The following FLNB variants were observed in gnomAD, a reference collection of about 807,000 sequenced individuals.
FLNB encodes filamin B.
FLNB carries 111 observed loss-of-function variants against 250.6 expected under a neutral mutation model. The ratio of observed to expected loss-of-function variants is 0.44; its 90% CI spans 0.38 to 0.52. The LOEUF (loss-of-function observed/expected upper bound fraction) is 0.52, where lower values mean the gene tolerates loss of function less well. FLNB is among the 20% of genes least tolerant of loss of function. FLNB has a pLI of 0.00. For missense variants in FLNB, 2,869 were observed against 3,447.8 expected (o/e 0.83, Z 4.20); for synonymous variants, 1,302 against 1,372.1 (o/e 0.95, Z 1.13).
intron 1 of FLNB, among the ~76,000 whole-genome samples, chr3:58,051,317 C>T (rs564189265): frequency 4.6e-5 from 7 of 152,178 alleles, no homozygotes; most frequent in Non-Finnish European, 7.3e-5. Flanking sequence ...AGGGACTGGC[C>T]GAATCATCCC....
chr3:58,048,149 A>G (rs1264527070), intron 1 of FLNB, among the ~76,000 whole-genome samples: 2 of 152,150 alleles, frequency 1.3e-5, no homozygotes, highest in Non-Finnish European at 2.9e-5. Context: ...CCAATTAACG[A>G]TTACTCAATT....
chr3:58,009,293 C>T (rs755942803), intron 1 of FLNB, among the ~76,000 whole-genome samples: 1 of 152,070 alleles, frequency 6.6e-6, no homozygotes, highest in African/African-American at 2.4e-5. Flanking sequence ...GCTGAATGGG[C>T]GTTGGCTCGG....
In FLNB at chr3:58,169,100, T is replaced by C; in HGVS notation, c.7417+442T>C. On this transcript the variant is annotated intron_variant, in intron 44 of 45. Transcript: ENST00000295956. The surrounding 1 kb of genome is among the most constrained non-coding windows in gnomAD (Gnocchi z 4.8). ...CCCAAGGTAACCACCATAAACACTG[T>C]AGTAAATCCCTTCCACACGTCATGA... 1 of 282,254 alleles carries C rather than the reference T, an allele frequency of 3.5e-6. No homozygotes were observed. The highest frequency in any genetic ancestry group is 4.0e-5 in the South Asian group (1 of 24,746). 17.5% of individuals were successfully genotyped at this position (282,254 alleles called of 1,614,324 possible).
chr3:58,133,437 GAAAAAAAAAAA>G (rs55916881), intron 26 of FLNB, among the ~76,000 whole-genome samples: 12 of 67,604 alleles, frequency 1.8e-4, no homozygotes, highest in South Asian at 4.6e-4. Context: ...GACATCTCTG[GAAAAAAAAAAA>G]AAAAAAAAAA....
At chr3:58,135,189 C>T (rs1309401549) in intron 27 of FLNB, among the ~76,000 whole-genome samples, 1 of 152,136 alleles carries the variant, frequency 6.6e-6, no homozygotes. Context: ...TTAAATTACT[C>T]TTTGGTTCAT....
intron 1 of FLNB, among the ~76,000 whole-genome samples, chr3:58,044,940 C>T (rs897426570): frequency 2.6e-5 from 4 of 152,126 alleles, no homozygotes; most frequent in Non-Finnish European, 4.4e-5. Flanking sequence ...CCAAGGATTT[C>T]CCCAAACACT....
At chr3:58,092,301 G>A (rs899558947) in intron 4 of FLNB, among the ~76,000 whole-genome samples, 1 of 152,130 alleles carries the variant, frequency 6.6e-6, no homozygotes, top group Admixed American at 6.6e-5. Context: ...ATTGCTGGTG[G>A]GAATGTAAAA....
intron 29 of FLNB, among the ~76,000 whole-genome samples, chr3:58,139,891 A>C (rs1014305901): frequency 2.2e-4 from 33 of 152,216 alleles, no homozygotes; most frequent in African/African-American, 8.0e-4. Context: ...GGGAAGGTCT[A>C]CGTGAGAAAG....
intron 29 of FLNB, 37 bp downstream of exon 29, chr3:58,138,566 G>C (rs2097320591): frequency 1.2e-6 from 2 of 1,613,172 alleles, no homozygotes; most frequent in African/African-American, 2.7e-5. Context: ...TGCTGTTATT[G>C]GTGGAAACTG....
chr3:58,058,360 C>G (rs775977924), intron 1 of FLNB, among the ~76,000 whole-genome samples: 5 of 152,182 alleles, frequency 3.3e-5, no homozygotes, highest in Non-Finnish European at 7.3e-5. Flanking sequence ...CCCTCTCTTT[C>G]TACTGATGTA....
rs1011576153 is a variant in FLNB at position 58,078,580 on chromosome 3, A to G, written c.542-137A>G. ...ACCTGTGATACTTTTTGCCTATTAA[A>G]TATATGATTTGCTCAGATTTTAGGA... On this transcript the variant is annotated intron_variant, in intron 2 of 45. Transcript: ENST00000295956. The G allele has an allele frequency of 2.0e-6, 3 of 1,525,828 alleles. No homozygotes were observed. In the Admixed American group the frequency reaches 5.9e-5, roughly 30 times the overall value. 94.5% of individuals were successfully genotyped at this position (1,525,828 alleles called of 1,614,324 possible). A position where few individuals can be genotyped will look rare whatever the true frequency, so the allele number is the denominator to read the frequency against.
intron 8 of FLNB, 133 bp downstream of exon 8, chr3:58,099,041 A>T: frequency 1.3e-6 from 1 of 768,154 alleles, no homozygotes; most frequent in Non-Finnish European, 2.3e-6. Context: ...GGGCTACTTC[A>T]GCAGTAAGTG....
At chr3:58,070,197 G>A (rs1283086392) in intron 1 of FLNB, among the ~76,000 whole-genome samples, 2 of 151,902 alleles carry the variant, frequency 1.3e-5, no homozygotes, top group African/African-American at 4.8e-5. Flanking sequence ...ACAGGCGCCT[G>A]CCATTATGCC....
At chr3:58,133,442 A>G (rs1302612831) in intron 26 of FLNB, among the ~76,000 whole-genome samples, 717 of 68,944 alleles carry the variant, frequency 0.01, 22 homozygotes, top group African/African-American at 0.09. Flanking sequence ...CTCTGGAAAA[A>G]AAAAAAAAAA....
chr3:58,157,937 C>T (rs1380234403), intron 41 of FLNB, among the ~76,000 whole-genome samples: 1 of 152,230 alleles, frequency 6.6e-6, no homozygotes, highest in African/African-American at 2.4e-5. Flanking sequence ...TCATCAGCAT[C>T]GCCCCCTGTT....
intron 27 of FLNB, among the ~76,000 whole-genome samples, chr3:58,135,618 G>A (rs1262646361): frequency 6.6e-6 from 1 of 152,170 alleles, no homozygotes; most frequent in African/African-American, 2.4e-5. Flanking sequence ...TCTGGGAGCG[G>A]TGCACCTAGC....
intron 18 of FLNB, among the ~76,000 whole-genome samples, chr3:58,116,885 G>T (rs944787531): frequency 6.6e-6 from 1 of 152,062 alleles, no homozygotes; most frequent in Non-Finnish European, 1.5e-5. Context: ...TAGTACTCTG[G>T]CACCTTTAGA....
rs751235059 is a variant in FLNB at position 58,124,513 on chromosome 3, G to A, written c.3898+8G>A. ...ACACACCCTTTGAGAAAGGTGAGCC[G>A]CCCTGTCCTCGGACTGGACCCTCGT... On this transcript the variant is annotated splice_region_variant and intron_variant, in intron 22 of 45. Coordinates refer to ENST00000295956, the MANE Select transcript of FLNB (RefSeq NM_001457.4). 1.8e-5 allele frequency: 29 copies of A among 1,613,834 alleles called. No homozygotes were observed. The highest frequency in any genetic ancestry group is 5.5e-5 in the South Asian group (5 of 91,066).
At chr3:58,057,031 G>A (rs1355971063) in intron 1 of FLNB, among the ~76,000 whole-genome samples, 3 of 152,048 alleles carry the variant, frequency 2.0e-5, no homozygotes, top group African/African-American at 2.4e-5. Context: ...CCAGGCTGGC[G>A]TGCAGTGGCA....
Sources: allele counts gnomAD v4.1 joint callset (sites outside exome capture counted in the v4.1 genomes callset), GRCh38; gene constraint gnomAD v4.1.1; non-coding constraint Gnocchi (gnomAD v3.1); transcripts MANE v1.5; gene names NCBI Gene and HGNC (gene_info 2026-07-23, HGNC 2026-07-21).